The following PDE7A variants were observed in gnomAD, a reference collection of about 807,000 sequenced individuals.
The protein encoded by PDE7A is phosphodiesterase 7A, also known as high affinity 3',5'-cyclic-AMP phosphodiesterase 7A.
PDE7A carries 39 observed loss-of-function variants against 64.3 expected under a neutral mutation model. The ratio of observed to expected loss-of-function variants is 0.61; its 90% CI spans 0.47 to 0.79. The LOEUF is 0.79. Among genes scored for constraint, PDE7A ranks in the 30% least tolerant of loss-of-function variants. The pLI is 0.00. For missense variants in PDE7A, 470 were observed against 582.8 expected (o/e 0.81, Z 1.99); for synonymous variants, 203 against 206.8 (o/e 0.98, Z 0.16).
At chr8:65,757,148 G>T (rs1246667961) in intron 3 of PDE7A, among the ~76,000 whole-genome samples, 1 of 152,120 alleles carries the variant, frequency 6.6e-6, no homozygotes, top group East Asian at 1.9e-4. Context: ...TCTGGGGAAG[G>T]TCTTAGGACC....
At chr8:65,835,104 G>A (rs1370684562) in intron 1 of PDE7A, among the ~76,000 whole-genome samples, 1 of 152,202 alleles carries the variant, frequency 6.6e-6, no homozygotes, top group Non-Finnish European at 1.5e-5. Flanking sequence ...AAATGTGGAA[G>A]AGAATAAATT....
At chr8:65,767,390 G>A (rs1194404392) in intron 3 of PDE7A, among the ~76,000 whole-genome samples, 6 of 152,186 alleles carry the variant, frequency 3.9e-5, no homozygotes, top group African/African-American at 1.4e-4. Flanking sequence ...TTTAACTAAT[G>A]GGAGTGTAGT....
chr8:65,761,859 C>G (rs931722457), intron 3 of PDE7A, among the ~76,000 whole-genome samples: 6 of 152,202 alleles, frequency 3.9e-5, no homozygotes, highest in Non-Finnish European at 8.8e-5. Flanking sequence ...GAAACAAGCG[C>G]TGAAGAACCA....
intron 3 of PDE7A, among the ~76,000 whole-genome samples, chr8:65,771,881 T>G (rs1369484279): frequency 2.4e-5 from 2 of 83,890 alleles, no homozygotes; most frequent in Non-Finnish European, 4.2e-5. Flanking sequence ...AGACTCCATC[T>G]CTCAAAAAAA....
chr8:65,802,684 C>T (rs1359420380), intron 1 of PDE7A, among the ~76,000 whole-genome samples: 2 of 152,160 alleles, frequency 1.3e-5, no homozygotes, highest in African/African-American at 2.4e-5. Context: ...CCAATTCTCT[C>T]GCAAGTCCAA....
intron 3 of PDE7A, among the ~76,000 whole-genome samples, chr8:65,765,131 C>T (rs901122691): frequency 2.0e-5 from 3 of 152,108 alleles, no homozygotes; most frequent in African/African-American, 7.2e-5. Context: ...TGTAAATATC[C>T]TGAAAGGTCC....
At chr8:65,817,211 TAG>T (rs796196369) in intron 1 of PDE7A, among the ~76,000 whole-genome samples, 39 of 152,352 alleles carry the variant, frequency 2.6e-4, no homozygotes, top group African/African-American at 7.5e-4. Flanking sequence ...GCAAAGATAG[TAG>T]AGTGTTCCTA....
Position 65,841,963 on chromosome 8 carries a change from G to GGCCGCC in PDE7A, c.-461_-456dup, listed in dbSNP as rs376061587. Reference sequence around the variant, plus strand: ...GGACTCAGGAGCAGCGACCAGCTCGGGCCGCCGCCGCCGCCGCCGCCGCCG... The same window carrying GGCCGCC: ...GGACTCAGGAGCAGCGACCAGCTCGGGCCGCCGCCGCCGCCGCCGCCGCCGCCGCCG... On this transcript the variant is annotated 5_prime_UTR_variant, in exon 1 of 13. Transcript: ENST00000401827. 0.044 allele frequency: 10,676 copies of GGCCGCC among 244,222 alleles called. 672 individuals are homozygous for GGCCGCC. The highest frequency in any genetic ancestry group is 0.051 in the Non-Finnish European group (6,473 of 126,540). 15.1% of individuals were successfully genotyped at this position (244,222 alleles called of 1,614,324 possible).
chr8:65,724,868 C>A lies in PDE7A; in HGVS notation c.974G>T (p.Arg325Leu). ...AAACAAAGACAGATACTCATTCTGG[C>A]GACTGATGTCTGTGGCTAGTATCAG... ...GALILATDIS[R>L]QNEYLSLFRS... The change falls in exon 10 of 13, where the codon CGC (arginine) becomes CTC (leucine). Residue 325 changes from arginine to leucine, a missense_variant. Coordinates refer to ENST00000401827, the MANE Select transcript of PDE7A (RefSeq NM_001242318.3). The A allele has an allele frequency of 6.2e-7, 1 of 1,610,434 alleles. No homozygotes were observed.
chr8:65,752,202 A>AT (rs1411670608), intron 3 of PDE7A, among the ~76,000 whole-genome samples: 1 of 151,910 alleles, frequency 6.6e-6, no homozygotes, highest in Non-Finnish European at 1.5e-5. Flanking sequence ...ACCAGAGCAT[A>AT]TTTTTTTCCT....
At chr8:65,735,642 G>C (rs368965347) in intron 6 of PDE7A, among the ~76,000 whole-genome samples, 1 of 151,926 alleles carries the variant, frequency 6.6e-6, no homozygotes, top group East Asian at 1.9e-4. Context: ...GGTTATTTTT[G>C]AGATGGAGTC....
intron 5 of PDE7A, 134 bp from the exon 6 acceptor site, chr8:65,739,731 G>T: frequency 1.1e-6 from 1 of 949,098 alleles, no homozygotes. Flanking sequence ...TCAAAAATAT[G>T]CATCTTCTTA....
chr8:65,792,431 C>T (rs1446295575), intron 1 of PDE7A, among the ~76,000 whole-genome samples: 1 of 152,124 alleles, frequency 6.6e-6, no homozygotes, highest in East Asian at 1.9e-4. Context: ...AAAATTTTAT[C>T]CCTGGGGCTC....
intron 1 of PDE7A, among the ~76,000 whole-genome samples, chr8:65,811,070 T>C (rs113700461): frequency 0.02 from 3,014 of 151,802 alleles, 111 homozygotes; most frequent in African/African-American, 0.069. Context: ...TAAATCTCTA[T>C]TGAAGGATAG....
At position 65,715,760 on chromosome 8, in the gene PDE7A, C is replaced by T. The variant is rs1300286558; in HGVS notation, c.*3530G>A. On this transcript the variant is annotated 3_prime_UTR_variant, in exon 13 of 13. Coordinates refer to ENST00000401827, the MANE Select transcript of PDE7A (RefSeq NM_001242318.3). ...CAGCACTATGGGAGGCCGAGGCGGG[C>T]GGATCACGAGGTCAGGAGATTGAGA... Among the ~76,000 whole-genome samples the T allele has an allele frequency of 6.8e-6, 1 of 147,634 alleles. No individual in the cohort carries two copies. The highest frequency in any genetic ancestry group is 1.5e-5 in the Non-Finnish European group (1 of 66,442).
intron 1 of PDE7A, 47 bp from the exon 2 acceptor site, chr8:65,782,890 A>G: frequency 9.5e-7 from 1 of 1,049,292 alleles, no homozygotes; most frequent in Non-Finnish European, 1.5e-6. Context: ...TAAATATGAT[A>G]CAAAATTCAA....
At chr8:65,837,513 A>G (rs1810975079) in intron 1 of PDE7A, among the ~76,000 whole-genome samples, 1 of 152,242 alleles carries the variant, frequency 6.6e-6, no homozygotes, top group Non-Finnish European at 1.5e-5. Flanking sequence ...TACACCTTAT[A>G]AACATAGCCT....
intron 3 of PDE7A, among the ~76,000 whole-genome samples, chr8:65,770,459 C>A (rs772544833): frequency 2.0e-5 from 3 of 152,098 alleles, no homozygotes; most frequent in Admixed American, 2.0e-4. Context: ...TTCACTACCA[C>A]GAGAACAGTA....
rs1404430075 is a variant in PDE7A at position 65,801,288 on chromosome 8, C to T, written c.139-18445G>A. On this transcript the variant is annotated intron_variant, in intron 1 of 12. Transcript: ENST00000401827. Reference sequence around the variant, plus strand: ...AATGGACTAGTTTAGAAACACAACTCTACCACTGAAAACAACTAAAAATGC... The same window carrying T: ...AATGGACTAGTTTAGAAACACAACTTTACCACTGAAAACAACTAAAAATGC... Among the ~76,000 whole-genome samples the T allele has an allele frequency of 2.6e-5, 4 of 152,160 alleles. No individual in the cohort carries two copies. The East Asian group carries it at 7.7e-4, about 29-fold the overall frequency.
Sources: allele counts gnomAD v4.1 joint callset (sites outside exome capture counted in the v4.1 genomes callset), GRCh38; gene constraint gnomAD v4.1.1; transcripts MANE v1.5; gene names NCBI Gene and HGNC (gene_info 2026-07-23, HGNC 2026-07-21).